Variants in USP16 observed in about 807,000 individuals in gnomAD.
The protein encoded by USP16 is ubiquitin specific peptidase 16.
USP16 carries 77 observed loss-of-function variants against 95.9 expected under a neutral mutation model. The observed-to-expected ratio is 0.80, with a 90% confidence interval of 0.67 to 0.97. USP16 has a LOEUF of 0.97. Ranked by LOEUF, USP16 falls within the 50% of genes least tolerant of loss-of-function variation. The pLI is 0.00. For missense variants in USP16, 943 were observed against 959.9 expected (o/e 0.98, Z 0.23); for synonymous variants, 303 against 318.2 (o/e 0.95, Z 0.51).
At position 29,046,933 on chromosome 21, in the gene USP16, C is replaced by G. The variant is rs748397832; in HGVS notation, c.1623C>G (p.Asn541Lys). Reference protein sequence around the residue: ...STEEVDMKNINMDNDLEVLTS... With the variant: ...STEEVDMKNIKMDNDLEVLTS... ...AGGAAGTAGATATGAAAAATATCAA[C>G]ATGGATAATGATCTGGAGGTTTTAA... is the stretch of plus-strand genomic sequence containing the variant. Residue 541 changes from asparagine to lysine, a missense_variant, in exon 14 of 18, where the codon AAC (asparagine) becomes AAG (lysine). Physicochemically the swap from Asn to Lys is moderately conservative, Grantham distance 94. Coordinates refer to ENST00000399976, the MANE Select transcript of USP16 (RefSeq NM_006447.3). The G allele has an allele frequency of 6.2e-7, 1 of 1,614,114 alleles. No individual in the cohort carries two copies. Among genetic ancestry groups the G allele is most frequent in the South Asian group, 1.1e-5 (1 of 91,080 alleles).
chr21:29,030,110 A>G (rs148044346), intron 2 of USP16, among the ~76,000 whole-genome samples: 12 of 152,008 alleles, frequency 7.9e-5, no homozygotes, highest in African/African-American at 2.9e-4. Context: ...GGAGATTCTT[A>G]TACATTAATT....
chr21:29,038,170 C>G (rs906692915), intron 6 of USP16, among the ~76,000 whole-genome samples, 165 bp from the exon 7 acceptor site: 1 of 152,044 alleles, frequency 6.6e-6, no homozygotes, highest in Non-Finnish European at 1.5e-5. Flanking sequence ...TAGTTATGAC[C>G]CAAATAGAGT....
At chr21:29,053,693 C>A in intron 16 of USP16, 109 bp from the exon 17 acceptor site, 1 of 1,117,704 alleles carries the variant, frequency 8.9e-7, no homozygotes, top group Non-Finnish European at 1.3e-6. Flanking sequence ...GATTTCTGCA[C>A]TCTCAAAGTA....
chr21:29,039,178 G>T, intron 8 of USP16, 22 bp downstream of exon 8: 1 of 1,473,634 alleles, frequency 6.8e-7, no homozygotes. Flanking sequence ...CTTCGATTGT[G>T]CTTTCAGTGC....
chr21:29,044,285 G>A (rs1456444501), intron 13 of USP16, among the ~76,000 whole-genome samples: 4 of 151,832 alleles, frequency 2.6e-5, no homozygotes, highest in African/African-American at 4.8e-5. Context: ...TTTTTCTTAC[G>A]TATCCTTCTG....
In USP16 at chr21:29,046,669, C is replaced by G; in HGVS notation, c.1359C>G (p.Asn453Lys). The G allele has an allele frequency of 6.3e-7, 1 of 1,598,912 alleles. No homozygotes were observed. Among genetic ancestry groups the G allele is most frequent in the Admixed American group, 1.7e-5 (1 of 57,222 alleles). ...AKKQAKKQAK[N>K]QRRQQKIQGK... ...GATGCCGTATACTTTTTACCCAGAACCAACGAAGACAACAAAAAATTCAAG... is the reference window on the plus strand; with the variant it reads ...GATGCCGTATACTTTTTACCCAGAAGCAACGAAGACAACAAAAAATTCAAG... Residue 453 changes from asparagine (N) to lysine (K), a missense_variant and splice_region_variant, in exon 14 of 18, where the codon AAC (asparagine) becomes AAG (lysine). Asn to Lys is a moderately conservative substitution (Grantham distance 94, BLOSUM62 0). Transcript: ENST00000399976.
chr21:29,048,514 T>C (rs1367771203), intron 14 of USP16, among the ~76,000 whole-genome samples: 2 of 152,236 alleles, frequency 1.3e-5, no homozygotes, highest in African/African-American at 4.8e-5. Context: ...GTAATCATTC[T>C]CAGTTATTAC....
chr21:29,035,337 G>A (rs116841526), intron 4 of USP16, among the ~76,000 whole-genome samples: 32 of 151,250 alleles, frequency 2.1e-4, no homozygotes, highest in Non-Finnish European at 5.9e-5. Flanking sequence ...AGATTTTTAC[G>A]TCTTAAAAAT....
At chr21:29,053,738 C>T in intron 16 of USP16, 64 bp from the exon 17 acceptor site, 1 of 1,536,946 alleles carries the variant, frequency 6.5e-7, no homozygotes, top group Non-Finnish European at 8.8e-7. Context: ...GTAAACTTGT[C>T]TTGCCCATGA....
At chr21:29,035,933 A>C (rs2085149306) in intron 4 of USP16, among the ~76,000 whole-genome samples, 1 of 152,092 alleles carries the variant, frequency 6.6e-6, no homozygotes, top group African/African-American at 2.4e-5. Flanking sequence ...AAACCAAAAA[A>C]CAAAACAAAC....
intron 16 of USP16, among the ~76,000 whole-genome samples, chr21:29,051,525 GA>G (rs1301677060): frequency 6.6e-6 from 1 of 152,152 alleles, no homozygotes; most frequent in Admixed American, 6.5e-5. Context: ...GGATCTCAAA[GA>G]ATCTCCATGT....
At chr21:29,028,781 T>C (rs1252053888) in intron 2 of USP16, among the ~76,000 whole-genome samples, 1 of 152,226 alleles carries the variant, frequency 6.6e-6, no homozygotes, top group African/African-American at 2.4e-5. Context: ...GCAAAGACCA[T>C]GGATGTATAT....
At chr21:29,033,171 G>A (rs1177571889) in intron 3 of USP16, among the ~76,000 whole-genome samples, 1 of 152,008 alleles carries the variant, frequency 6.6e-6, no homozygotes, top group Non-Finnish European at 1.5e-5. Flanking sequence ...TAATTTGTAA[G>A]AATAAGACAT....
At chr21:29,048,933 C>T (rs2085372438) in intron 15 of USP16, 78 bp downstream of exon 15, 2 of 1,076,550 alleles carry the variant, frequency 1.9e-6, no homozygotes, top group Non-Finnish European at 2.7e-6. Context: ...ACTGTCTCAA[C>T]ATACTACTTT....
chr21:29,035,764 A>C (rs2085145837), intron 4 of USP16, among the ~76,000 whole-genome samples: 2 of 151,960 alleles, frequency 1.3e-5, no homozygotes, highest in Non-Finnish European at 2.9e-5. Context: ...AAAATACAAA[A>C]AAAAAGTAGC....
intron 6 of USP16, 60 bp from the exon 7 acceptor site, chr21:29,038,275 G>A: frequency 9.0e-7 from 1 of 1,116,782 alleles, no homozygotes; most frequent in East Asian, 2.4e-5. Context: ...CACTTAAGAA[G>A]TGTCAGAGTT....
At chr21:29,026,113 A>T (rs1006998940) in intron 1 of USP16, among the ~76,000 whole-genome samples, 12 of 152,212 alleles carry the variant, frequency 7.9e-5, no homozygotes, top group African/African-American at 2.9e-4. Context: ...TACAGCTAGA[A>T]ATCAAAGACA....
chr21:29,048,715 G>C, intron 14 of USP16, 46 bp from the exon 15 acceptor site: 1 of 1,454,794 alleles, frequency 6.9e-7, no homozygotes. Flanking sequence ...TGCTTTAGGG[G>C]TCTAAAATGA....
At chr21:29,031,321 T>TAA (rs762625215) in intron 3 of USP16, among the ~76,000 whole-genome samples, 39 of 152,200 alleles carry the variant, frequency 2.6e-4, no homozygotes, top group Non-Finnish European at 4.3e-4. Context: ...ACCGTGGTAC[T>TAA]AAAGTCAGGG....
Sources: gnomAD v4.1 joint callset for allele counts (sites outside exome capture counted in the v4.1 genomes callset) on GRCh38, gnomAD v4.1.1 for gene constraint, MANE v1.5 for transcripts, NCBI Gene and HGNC (gene_info 2026-07-23, HGNC 2026-07-21) for gene names.